MEG3: variants seen among roughly 807,000 people sequenced by gnomAD.
MEG3 encodes the protein Very putative protein from MEG3 locus.
exon 1 of MEG3, chr14:100,858,587 T>A (rs1231672871): frequency 6.5e-6 from 1 of 152,830 alleles, no homozygotes; most frequent in African/African-American, 2.4e-5. Context: ...CTGCTGCGCC[T>A]GTTGCTGCCC....
downstream of MEG3, chr14:100,830,291 G>A (rs1469591580): frequency 6.6e-6 from 1 of 150,864 alleles, no homozygotes; most frequent in Non-Finnish European, 1.5e-5. Flanking sequence ...CCTTAAACAA[G>A]TCGCTTAACT....
chr14:100,852,222 A>G, intron 3 of MEG3: 1 of 426,456 alleles, frequency 2.3e-6, no homozygotes, highest in South Asian at 1.7e-5. Context: ...TTGAGGTCTG[A>G]GCTGATGGCA....
chr14:100,836,191 G>A (rs1206508923), exon 2 of MEG3: 1 of 456,160 alleles, frequency 2.2e-6, no homozygotes, highest in Non-Finnish European at 4.4e-6. Flanking sequence ...GCCCGGCTGG[G>A]TCGGCTGAAG....
chr14:100,855,648 C>T (rs1281681496), upstream of MEG3: 1 of 152,256 alleles, frequency 6.6e-6, no homozygotes, highest in Non-Finnish European at 1.5e-5. Flanking sequence ...ATCCCTTCAT[C>T]CCTTCATTCA....
chr14:100,855,918 C>G (rs554066270), upstream of MEG3: 1 of 152,268 alleles, frequency 6.6e-6, no homozygotes, highest in East Asian at 1.9e-4. Context: ...CAACTGTGTT[C>G]CCTGGGTGCT....
exon 1 of MEG3, chr14:100,835,732 C>A: frequency 5.7e-6 from 1 of 174,384 alleles, no homozygotes; most frequent in Non-Finnish European, 1.2e-5. Context: ...CTGCCTGTTT[C>A]CAGCAGGTTC....
chr14:100,860,637 C>T (rs1023310838), intron 1 of MEG3: 7 of 456,394 alleles, frequency 1.5e-5, no homozygotes, highest in Non-Finnish European at 2.2e-5. Context: ...GAACTCTTGT[C>T]GGCCAGCGAG....
chr14:100,831,729 G>A (rs1253668087), downstream of MEG3: 1 of 152,118 alleles, frequency 6.6e-6, no homozygotes. Context: ...CAGGTCTCTC[G>A]ACTTCTGGAC....
rs138100609 is a variant in MEG3, at chr14:100,839,251, A to G, written n.3045+2951A>G. The stretch of plus-strand genomic sequence containing the variant: ...TGCGGAAGCCAGCATTGTGAGCTGC[A>G]GTGGAAAAGCCCTGGGTCGCTGGGA... On this transcript the variant is annotated intron_variant and non_coding_transcript_variant, in intron 2 of 3. Transcript: ENST00000398461. Among the ~76,000 whole-genome samples the G allele has an allele frequency of 4.2e-3, 633 of 152,286 alleles. 20 individuals carry two copies. The highest frequency in any genetic ancestry group is 0.032 in the Admixed American group (486 of 15,310).
intron 2 of MEG3, among the ~76,000 whole-genome samples, chr14:100,840,997 G>T (rs964974956): frequency 6.6e-6 from 1 of 152,216 alleles, no homozygotes; most frequent in Non-Finnish European, 1.5e-5. Flanking sequence ...GCGGTAGGGG[G>T]CTCAGAAATC....
downstream of MEG3, chr14:100,832,095 T>C (rs974164106): frequency 1.4e-5 from 2 of 142,156 alleles, no homozygotes; most frequent in African/African-American, 5.1e-5. Context: ...AGAGAATAAC[T>C]AAACAAAGAC....
intron 2 of MEG3, among the ~76,000 whole-genome samples, chr14:100,843,050 G>T (rs1476544917): frequency 6.6e-6 from 1 of 152,150 alleles, no homozygotes; most frequent in Non-Finnish European, 1.5e-5. Context: ...GCTGGCACAC[G>T]CAGCTTTTAA....
chr14:100,826,675 C>T (rs967246702), intron 1 of MEG3, among the ~76,000 whole-genome samples: 1 of 152,220 alleles, frequency 6.6e-6, no homozygotes, highest in Non-Finnish European at 1.5e-5. Flanking sequence ...AGAAGGGTCT[C>T]CCGGGCATAT....
intron 1 of MEG3, among the ~76,000 whole-genome samples, chr14:100,828,030 C>G (rs530704352): frequency 6.6e-6 from 1 of 152,196 alleles, no homozygotes; most frequent in East Asian, 1.9e-4. Flanking sequence ...CGCTGCGCCG[C>G]AGCCACAGGT....
exon 1 of MEG3, chr14:100,834,672 G>T: frequency 2.2e-6 from 1 of 456,344 alleles, no homozygotes; most frequent in Non-Finnish European, 4.4e-6. Flanking sequence ...GACCAGCCCC[G>T]TGTCTCCTCA....
chr14:100,832,526 C>G (rs945329972), downstream of MEG3: 1 of 152,628 alleles, frequency 6.6e-6, no homozygotes, highest in Non-Finnish European at 1.5e-5. Context: ...AATCTCGGGC[C>G]TTGTCGAAGG....
intron 1 of MEG3, among the ~76,000 whole-genome samples, chr14:100,828,014 G>A (rs2139932814): frequency 6.6e-6 from 1 of 152,226 alleles, no homozygotes; most frequent in East Asian, 1.9e-4. Flanking sequence ...TGGTGCGGGC[G>A]GGAGGCGCTG....
chr14:100,839,434 G>T (rs918337796), intron 2 of MEG3, among the ~76,000 whole-genome samples: 1 of 152,216 alleles, frequency 6.6e-6, no homozygotes, highest in Admixed American at 6.5e-5. Flanking sequence ...AGATGGAAGA[G>T]TCTAGAAAAG....
intron 1 of MEG3, chr14:100,860,407 C>A: frequency 6.0e-6 from 2 of 332,412 alleles, no homozygotes; most frequent in Non-Finnish European, 1.2e-5. Flanking sequence ...CCAGAGGTTG[C>A]CAGTTGTAGG....
Sources: gnomAD v4.1 joint callset for allele counts (sites outside exome capture counted in the v4.1 genomes callset) on GRCh38, gnomAD v4.1.1 for gene constraint, MANE v1.5 for transcripts, NCBI Gene and HGNC (gene_info 2026-07-23, HGNC 2026-07-21) for gene names.